GLRA1: variants seen among roughly 807,000 people sequenced by gnomAD.
GLRA1 encodes glycine receptor subunit alpha-1.
GLRA1 carries 37 observed loss-of-function variants against 48.3 expected under a neutral mutation model. The ratio of observed to expected loss-of-function variants is 0.77; its 90% CI spans 0.59 to 1.01. The LOEUF (loss-of-function observed/expected upper bound fraction) is 1.01, where lower values mean the gene tolerates loss of function less well. Ranked by LOEUF, GLRA1 falls within the 50% of genes least tolerant of loss-of-function variation. The probability of loss-of-function intolerance (pLI) is 0.00; values close to 1 mark genes in which losing one functional copy is unlikely to be tolerated. For synonymous variants in GLRA1, 196 were observed against 210.7 expected, an observed-to-expected ratio of 0.93 and a Z score of 0.60; for missense variants, 427 against 571.0, an observed-to-expected ratio of 0.75 and a Z score of 2.57.
chr5:151,924,825 G>A lies in GLRA1; in HGVS notation c.-276C>T. 3.7e-6 allele frequency: 2 copies of A among 546,362 alleles called. No individual in the cohort carries two copies. Among genetic ancestry groups the A allele is most frequent in the South Asian group, 2.2e-5 (1 of 46,184 alleles). 33.8% of individuals were successfully genotyped at this position (546,362 alleles called of 1,614,324 possible). ...GAGTATTGCTGTTTGTTAAACTCCAGCGTGTCTGTTGGCTCCCTGCGGCGC... is the reference window on the plus strand; with the variant it reads ...GAGTATTGCTGTTTGTTAAACTCCAACGTGTCTGTTGGCTCCCTGCGGCGC... On this transcript the variant is annotated 5_prime_UTR_variant, in exon 1 of 9. Transcript: ENST00000274576.
Position 151,829,082 on chromosome 5 carries a change from GA to G in GLRA1, c.913-16del. On this transcript the variant is annotated splice_polypyrimidine_tract_variant and intron_variant, in intron 7 of 8. Coordinates refer to ENST00000274576, the MANE Select transcript of GLRA1 (RefSeq NM_000171.4). ...ACATAGGACACCTAGAGTGGGGGTG[GA>G]GGAGAAACAGGGAGGTGAAAGCAGG... 6.2e-7 allele frequency: 1 copy of G among 1,613,118 alleles called. No individual in the cohort carries two copies. Among genetic ancestry groups the G allele is most frequent in the Middle Eastern group, 1.7e-4 (1 of 6,018 alleles).
chr5:151,847,365 T>A (rs1752701950), intron 7 of GLRA1, among the ~76,000 whole-genome samples: 1 of 152,026 alleles, frequency 6.6e-6, no homozygotes, highest in African/African-American at 2.4e-5. Flanking sequence ...GGGAACAGAA[T>A]GTTGTACCTC....
intron 1 of GLRA1, among the ~76,000 whole-genome samples, chr5:151,920,211 T>C (rs540270498): frequency 7.5e-4 from 115 of 152,328 alleles, no homozygotes; most frequent in African/African-American, 2.4e-3. Context: ...CTGCCTTTGA[T>C]GAAGATCTTA....
intron 7 of GLRA1, chr5:151,849,104 T>TTTTCTTTTCTTTC (rs748376771): frequency 2.1e-4 from 25 of 116,984 alleles, no homozygotes; most frequent in Middle Eastern, 2.8e-3. Context: ...ATTTCTTTTC[T>TTTTCTTTTCTTTC]TTTCTTTCTT....
chr5:151,867,960 A>G (rs1753379227), intron 3 of GLRA1, among the ~76,000 whole-genome samples: 2 of 152,192 alleles, frequency 1.3e-5, no homozygotes, highest in African/African-American at 4.8e-5. Context: ...CACTGTAGAC[A>G]ATTGGAAGCA....
At chr5:151,890,364 T>G (rs1754034349) in intron 2 of GLRA1, among the ~76,000 whole-genome samples, 1 of 152,164 alleles carries the variant, frequency 6.6e-6, no homozygotes, top group Non-Finnish European at 1.5e-5. Flanking sequence ...AATGAGTTCC[T>G]CGTTTCTCAG....
At chr5:151,836,484 A>G (rs1763581325) in intron 7 of GLRA1, among the ~76,000 whole-genome samples, 1 of 152,256 alleles carries the variant, frequency 6.6e-6, no homozygotes, top group African/African-American at 2.4e-5. Flanking sequence ...ACCAAAAAAG[A>G]GCCCACATAA....
Position 151,859,787 on chromosome 5 carries a change from G to T in GLRA1, c.474C>A (p.Ile158=). 1 of 1,605,718 alleles carries T rather than the reference G, an allele frequency of 6.2e-7. No individual in the cohort carries two copies. Among genetic ancestry groups the T allele is most frequent in the Non-Finnish European group, 8.5e-7 (1 of 1,172,372 alleles). The change falls in exon 4 of 9, where the codon ATC becomes ATA. Residue 158 remains isoleucine (I), a splice_region_variant and synonymous_variant. Coordinates refer to ENST00000274576, the MANE Select transcript of GLRA1 (RefSeq NM_000171.4). ...GGGTGAACCTGGTCAGAACTCACCTGATGCTGTAGAGGACATTCCCATTCC... is the reference window on the plus strand; with the variant it reads ...GGGTGAACCTGGTCAGAACTCACCTTATGCTGTAGAGGACATTCCCATTCC... ...ISRNGNVLYS[I]RITLTLACPM... is the part of the protein sequence containing the mutation.
Position 151,924,493 on chromosome 5 carries a change from C to A in GLRA1, c.56+1G>T. 2 of 1,570,342 alleles carry A rather than the reference C, an allele frequency of 1.3e-6. No homozygotes were observed. The highest frequency in any genetic ancestry group is 2.2e-5 in the South Asian group (2 of 90,152). On this transcript the variant is annotated splice_donor_variant, in intron 1 of 8. Coordinates refer to ENST00000274576, the MANE Select transcript of GLRA1 (RefSeq NM_000171.4). LOFTEE classifies it high-confidence loss of function. Reference sequence around the variant, plus strand: ...GATGTGGTCAGTAGAAAATTGCATACCTGAAGAATACAATGGTCTCCCAAA... The same window carrying A: ...GATGTGGTCAGTAGAAAATTGCATAACTGAAGAATACAATGGTCTCCCAAA...
chr5:151,863,562 T>C (rs554698893), intron 3 of GLRA1, among the ~76,000 whole-genome samples: 16 of 152,154 alleles, frequency 1.1e-4, no homozygotes, highest in Non-Finnish European at 1.9e-4. Flanking sequence ...TAGCTCTCTA[T>C]GTTGGATCTC....
chr5:151,848,949 A>G, intron 7 of GLRA1: 1 of 715,384 alleles, frequency 1.4e-6, no homozygotes. Context: ...TCCCTGTCTC[A>G]GGGTGAGAAA....
At position 151,826,261 on chromosome 5, in the gene GLRA1, T is replaced by A. The variant is rs115151223; in HGVS notation, c.1059+2660A>T. On this transcript the variant is annotated intron_variant, in intron 8 of 8. Coordinates refer to ENST00000274576, the MANE Select transcript of GLRA1 (RefSeq NM_000171.4). ...CTAGTGAAGCCAGAAGTGTGGTTTT[T>A]AAATGCTGACCCCTTAAGTCCAGAT... 9.9e-3 allele frequency among the ~76,000 whole-genome samples: 1,501 copies of A among 152,346 alleles called. 28 individuals are homozygous for A. Among genetic ancestry groups the A allele is most frequent in the African/African-American group, 0.034 (1,427 of 41,580 alleles).
chr5:151,832,315 G>T lies in GLRA1; in HGVS notation c.913-3248C>A, dbSNP rs569856355. 6.6e-5 allele frequency among the ~76,000 whole-genome samples: 10 copies of T among 152,332 alleles called. No homozygotes were observed. The East Asian group carries it at 1.9e-3, about 29-fold the overall frequency. Reference sequence around the variant, plus strand: ...AGAGAATGAGTTCGACAAATTGACAGAAGTAGGCTTCAGAAGGTGGGGAAT... The same window carrying T: ...AGAGAATGAGTTCGACAAATTGACATAAGTAGGCTTCAGAAGGTGGGGAAT... On this transcript the variant is annotated intron_variant, in intron 7 of 8. Coordinates refer to ENST00000274576, the MANE Select transcript of GLRA1 (RefSeq NM_000171.4).
chr5:151,903,715 T>C (rs919261969), intron 1 of GLRA1, among the ~76,000 whole-genome samples: 2 of 152,348 alleles, frequency 1.3e-5, no homozygotes, highest in South Asian at 4.1e-4. Flanking sequence ...AGAGATTAAC[T>C]GAGAATAGCA....
chr5:151,923,294 A>G (rs1240526382), intron 1 of GLRA1, among the ~76,000 whole-genome samples: 2 of 152,250 alleles, frequency 1.3e-5, no homozygotes, highest in Middle Eastern at 3.2e-3. Flanking sequence ...ACCAGCCAAC[A>G]GATTAGTCAA....
intron 7 of GLRA1, among the ~76,000 whole-genome samples, chr5:151,833,755 G>A (rs1763489211): frequency 7.4e-6 from 1 of 135,854 alleles, no homozygotes; most frequent in South Asian, 2.5e-4. Context: ...GAGCAATCGT[G>A]TCTGGCAGGA....
chr5:151,837,769 A>G (rs577280391), intron 7 of GLRA1, among the ~76,000 whole-genome samples: 23 of 152,340 alleles, frequency 1.5e-4, no homozygotes, highest in African/African-American at 5.5e-4. Context: ...ATGAGAATAC[A>G]TGGACACAGG....
chr5:151,832,119 C>G (rs1763442087), intron 7 of GLRA1, among the ~76,000 whole-genome samples: 1 of 152,216 alleles, frequency 6.6e-6, no homozygotes, highest in Non-Finnish European at 1.5e-5. Context: ...ACAAAAAGGA[C>G]ATCCACACAG....
intron 7 of GLRA1, among the ~76,000 whole-genome samples, chr5:151,833,221 CTA>C (rs1409103708): frequency 6.6e-6 from 1 of 152,178 alleles, no homozygotes; most frequent in Non-Finnish European, 1.5e-5. Context: ...ACCGTTGACA[CTA>C]TGAAGAAACC....
Sources: allele counts gnomAD v4.1 joint callset (sites outside exome capture counted in the v4.1 genomes callset), GRCh38; gene constraint gnomAD v4.1.1; transcripts MANE v1.5; gene names NCBI Gene and HGNC (gene_info 2026-07-23, HGNC 2026-07-21).